SMARCAL1: variants seen among roughly 807,000 people sequenced by gnomAD.
The protein encoded by SMARCAL1 is ATP-driven annealing helicase.
A neutral mutation model predicts 94.5 loss-of-function variants in SMARCAL1; 58 were observed. The ratio of observed to expected loss-of-function variants is 0.61; its 90% CI spans 0.50 to 0.76. The LOEUF is 0.76. Among genes scored for constraint, SMARCAL1 ranks in the 30% least tolerant of loss-of-function variants. The probability of loss-of-function intolerance (pLI) is 0.00; values close to 1 mark genes in which losing one functional copy is unlikely to be tolerated. For synonymous variants in SMARCAL1, 422 were observed against 455.1 expected, an observed-to-expected ratio of 0.93 and a Z score of 0.93; for missense variants, 1,051 against 1,177.9, an observed-to-expected ratio of 0.89 and a Z score of 1.58.
At chr2:216,468,964 C>T (rs555189132) in intron 14 of SMARCAL1, among the ~76,000 whole-genome samples, 4 of 152,242 alleles carry the variant, frequency 2.6e-5, no homozygotes, top group South Asian at 2.1e-4. Flanking sequence ...CCACCTACCT[C>T]GGCCTCCCAG....
intron 8 of SMARCAL1, among the ~76,000 whole-genome samples, chr2:216,434,810 A>G (rs1422323422): frequency 1.3e-5 from 2 of 148,270 alleles, no homozygotes; most frequent in African/African-American, 2.5e-5. Flanking sequence ...GTGCCACTGT[A>G]CTCCAGCCTG....
chr2:216,446,667 G>A lies in SMARCAL1; in HGVS notation c.1711-351G>A, dbSNP rs909899353. ...TCCTTGTGAATTTTTTGCAGCATACGGTGAACATTTATTGGTTACTTGGCG... is the reference window on the plus strand; with the variant it reads ...TCCTTGTGAATTTTTTGCAGCATACAGTGAACATTTATTGGTTACTTGGCG... On this transcript the variant is annotated intron_variant, in intron 10 of 17. Coordinates refer to ENST00000357276, the MANE Select transcript of SMARCAL1 (RefSeq NM_014140.4). 18 of 474,580 alleles carry A rather than the reference G, an allele frequency of 3.8e-5. No homozygotes were observed. In the East Asian group the frequency reaches 6.5e-4, roughly 17 times the overall value. 29.4% of individuals were successfully genotyped at this position (474,580 alleles called of 1,614,324 possible). A position where few individuals can be genotyped will look rare whatever the true frequency, so the allele number is the denominator to read the frequency against.
chr2:216,438,458 C>T lies in SMARCAL1; in HGVS notation c.1683C>T (p.Arg561=). Residue 561 remains arginine, a synonymous_variant, in exon 10 of 18, where the codon CGC becomes CGT. Coordinates refer to ENST00000357276, the MANE Select transcript of SMARCAL1 (RefSeq NM_014140.4). ...SHFLKNSRTA[R]CRAAMPVLKV... ...TCCTCAAAAACAGTAGGACTGCCCG[C>T]TGTCGAGCAGCTATGCCGGTCCTAA... 1 of 1,614,082 alleles carries T rather than the reference C, an allele frequency of 6.2e-7. No homozygotes were observed. The highest frequency in any genetic ancestry group is 8.5e-7 in the Non-Finnish European group (1 of 1,179,996).
In SMARCAL1 at chr2:216,454,178, A is replaced by G. The variant is rs111811468; in HGVS notation, c.2070+3114A>G. On this transcript the variant is annotated intron_variant, in intron 12 of 17. Coordinates refer to ENST00000357276, the MANE Select transcript of SMARCAL1 (RefSeq NM_014140.4). ...TAATTTAATTAAGGTCTAGTCAGGAACAAAGAATGCAGGTTATTTAAAATT... is the reference window on the plus strand; with the variant it reads ...TAATTTAATTAAGGTCTAGTCAGGAGCAAAGAATGCAGGTTATTTAAAATT... 3.2e-3 allele frequency among the ~76,000 whole-genome samples: 495 copies of G among 152,350 alleles called. 2 individuals carry two copies. The highest frequency in any genetic ancestry group is 0.012 in the African/African-American group (481 of 41,582).
intron 10 of SMARCAL1, among the ~76,000 whole-genome samples, chr2:216,445,650 C>G (rs928729591): frequency 2.0e-5 from 3 of 152,104 alleles, no homozygotes; most frequent in African/African-American, 7.2e-5. Context: ...CCAAGGCAAG[C>G]GATGCTACCA....
chr2:216,465,540 T>C (rs1694813820), intron 13 of SMARCAL1, among the ~76,000 whole-genome samples: 1 of 152,264 alleles, frequency 6.6e-6, no homozygotes, highest in African/African-American at 2.4e-5. Context: ...ATTTCCACCT[T>C]ATAAATTAAA....
intron 4 of SMARCAL1, among the ~76,000 whole-genome samples, chr2:216,417,546 C>T (rs1227722697): frequency 1.3e-5 from 2 of 152,194 alleles, no homozygotes; most frequent in Non-Finnish European, 2.9e-5. Context: ...GATTATCGCC[C>T]ACCTTGGTGA....
At chr2:216,446,800 T>C in intron 10 of SMARCAL1, 2 of 673,846 alleles carry the variant, frequency 3.0e-6, no homozygotes, top group Non-Finnish European at 5.4e-6. Context: ...ATGTAATATG[T>C]TAAGTACTAG....
At chr2:216,463,535 C>T (rs1168245275) in intron 12 of SMARCAL1, among the ~76,000 whole-genome samples, 1 of 152,022 alleles carries the variant, frequency 6.6e-6, no homozygotes, top group Non-Finnish European at 1.5e-5. Context: ...ACACTCTTAC[C>T]AATGATGGTA....
intron 14 of SMARCAL1, among the ~76,000 whole-genome samples, chr2:216,473,673 C>T (rs1402710436): frequency 1.3e-5 from 2 of 151,704 alleles, no homozygotes; most frequent in Non-Finnish European, 2.9e-5. Flanking sequence ...ATATATATAC[C>T]ATACACATCA....
chr2:216,454,876 C>T (rs932090512), intron 12 of SMARCAL1, among the ~76,000 whole-genome samples: 1 of 152,120 alleles, frequency 6.6e-6, no homozygotes, highest in African/African-American at 2.4e-5. Context: ...TGCAGCACAC[C>T]GAGCGTGAGC....
Position 216,450,903 on chromosome 2 carries a change from C to G in SMARCAL1, c.1909C>G (p.Leu637Val), listed in dbSNP as rs949070606. The change falls in exon 12 of 18, where the codon CTG (leucine) becomes GTG (valine). Residue 637 changes from leucine to valine, a missense_variant. By Grantham distance (32) the Leu-to-Val change is conservative (BLOSUM62 1). Around this residue, in one of 3 missense-constraint regions of SMARCAL1, gnomAD observed 642 missense variants for 754.7 expected, o/e 0.85. Transcript: ENST00000357276. ...SSNLGELKLLLEEAVMLRRLK... is the reference protein window; with the variant it reads ...SSNLGELKLLVEEAVMLRRLK... ...CAACCTGGGAGAGCTGAAGCTCCTGCTGGAGGAAGCAGTCATGCTGCGGCG... is the reference window on the plus strand; with the variant it reads ...CAACCTGGGAGAGCTGAAGCTCCTGGTGGAGGAAGCAGTCATGCTGCGGCG... The G allele has an allele frequency of 2.5e-6, 4 of 1,614,110 alleles. No homozygotes were observed. The African/African-American group carries it at 5.3e-5, about 22-fold the overall frequency.
intron 7 of SMARCAL1, among the ~76,000 whole-genome samples, chr2:216,432,061 G>T (rs1233536657): frequency 1.1e-4 from 17 of 150,512 alleles, no homozygotes; most frequent in African/African-American, 4.2e-4. Context: ...CGCTTTTGTT[G>T]CCCAGGCTGG....
intron 6 of SMARCAL1, chr2:216,427,510 T>C (rs538776150): frequency 1.1e-4 from 17 of 152,366 alleles, no homozygotes; most frequent in African/African-American, 4.1e-4. Context: ...CAAGGAGTGC[T>C]CAGCCTCCTG....
chr2:216,473,508 C>T (rs1040639560), intron 14 of SMARCAL1, among the ~76,000 whole-genome samples: 7 of 151,656 alleles, frequency 4.6e-5, no homozygotes, highest in African/African-American at 1.7e-4. Context: ...ATTTGAGACC[C>T]CTAAATCTGC....
rs754882213 is a variant in SMARCAL1, at chr2:216,415,486, T to A, written c.782T>A (p.Val261Glu). ...LIGYNAELIAVFKTLPSKNYD... is the reference protein window; with the variant it reads ...LIGYNAELIAEFKTLPSKNYD... ...GGGTACAATGCGGAACTCATTGCAG[T>A]GTTTAAGACCCTGCCCAGCAAGAAT... is the stretch of plus-strand genomic sequence containing the variant. Residue 261 changes from valine to glutamate, a missense_variant, in exon 3 of 18, where the codon GTG becomes GAG. Coordinates refer to ENST00000357276, the MANE Select transcript of SMARCAL1 (RefSeq NM_014140.4). 5.0e-6 allele frequency: 8 copies of A among 1,613,460 alleles called. No individual in the cohort carries two copies. The Admixed American group carries it at 8.3e-5, about 17-fold the overall frequency.
intron 6 of SMARCAL1, among the ~76,000 whole-genome samples, chr2:216,426,730 G>A (rs1003521682): frequency 6.6e-6 from 1 of 152,216 alleles, no homozygotes; most frequent in Non-Finnish European, 1.5e-5. Flanking sequence ...AGCTGGGAGT[G>A]GAAGCAGTGA....
rs1365865162 is a variant in SMARCAL1 at position 216,428,704 on chromosome 2, A to C, written c.1256A>C (p.Asp419Ala). 6.2e-7 allele frequency: 1 copy of C among 1,614,196 alleles called. No homozygotes were observed. The highest frequency in any genetic ancestry group is 1.1e-5 in the South Asian group (1 of 91,088). The stretch of plus-strand genomic sequence containing the variant: ...AAGACATCTCTCAGTCTCACGCCAG[A>C]TGTCCCAGAGGCAGACCTTTCTGAA... ...LKKTSLSLTP[D>A]VPEADLSEVD... The change falls in exon 7 of 18, where the codon GAT becomes GCT. Residue 419 changes from aspartate to alanine, a missense_variant. By Grantham distance (126) the Asp-to-Ala change is moderately radical (BLOSUM62 -2). This residue lies in a region of SMARCAL1 where 642 missense variants were observed against 754.7 expected (regional missense o/e 0.85). Transcript: ENST00000357276.
chr2:216,425,731 G>T (rs1693819666), intron 6 of SMARCAL1, among the ~76,000 whole-genome samples: 1 of 152,220 alleles, frequency 6.6e-6, no homozygotes, highest in Non-Finnish European at 1.5e-5. Context: ...AAAGTGGGTA[G>T]TCCCAACATG....
Sources: gnomAD v4.1 joint callset for allele counts (sites outside exome capture counted in the v4.1 genomes callset) on GRCh38, gnomAD v4.1.1 for gene constraint, gnomAD v4.1.1 regional missense constraint, MANE v1.5 for transcripts, NCBI Gene and HGNC (gene_info 2026-07-23, HGNC 2026-07-21) for gene names.